The following CNTN5 variants were observed in gnomAD, a reference collection of about 807,000 sequenced individuals.
CNTN5 encodes the protein contactin-5.
In CNTN5, 77 loss-of-function variants were observed where a neutral mutation model predicts 129.1. The ratio of observed to expected loss-of-function variants is 0.60; its 90% CI spans 0.50 to 0.72. CNTN5 has a LOEUF of 0.72. CNTN5 is among the 30% of genes least tolerant of loss of function. The pLI is 0.00. For missense variants in CNTN5, 1,478 were observed against 1,328.8 expected (o/e 1.11, Z -1.75); for synonymous variants, 509 against 465.6 (o/e 1.09, Z -1.20).
intron 1 of CNTN5, among the ~76,000 whole-genome samples, chr11:99,213,295 CATATATAAT>C (rs1230808179): frequency 1.4e-5 from 2 of 140,834 alleles, no homozygotes; most frequent in African/African-American, 5.2e-5. Flanking sequence ...ATATATATAA[CATATATAAT>C]ATATACATAT....
intron 16 of CNTN5, among the ~76,000 whole-genome samples, chr11:100,247,532 A>C (rs1949868034): frequency 6.6e-6 from 1 of 152,142 alleles, no homozygotes; most frequent in South Asian, 2.1e-4. Context: ...GGTGGTCAGA[A>C]AGTATCTGAG....
chr11:99,957,717 T>A (rs1950840290), intron 8 of CNTN5, among the ~76,000 whole-genome samples: 1 of 152,144 alleles, frequency 6.6e-6, no homozygotes, highest in South Asian at 2.1e-4. Context: ...TCCTGGTTGA[T>A]TGTGAAACTT....
intron 13 of CNTN5, among the ~76,000 whole-genome samples, chr11:100,091,519 C>T (rs1359093540): frequency 6.7e-6 from 1 of 148,830 alleles, no homozygotes; most frequent in Non-Finnish European, 1.5e-5. Context: ...AACTCCGCCT[C>T]CTGGGTTCAA....
chr11:99,345,520 G>A (rs1937783718), intron 2 of CNTN5, among the ~76,000 whole-genome samples: 1 of 152,146 alleles, frequency 6.6e-6, no homozygotes, highest in Non-Finnish European at 1.5e-5. Context: ...AGCACCCAAT[G>A]AGGAAGGCGT....
chr11:99,973,574 T>G (rs1212322991), intron 8 of CNTN5, among the ~76,000 whole-genome samples: 1 of 152,186 alleles, frequency 6.6e-6, no homozygotes, highest in African/African-American at 2.4e-5. Flanking sequence ...AAAATAACCT[T>G]AAGGCTTCCT....
intron 2 of CNTN5, among the ~76,000 whole-genome samples, chr11:99,389,251 T>C (rs1170614862): frequency 6.6e-6 from 1 of 151,954 alleles, no homozygotes; most frequent in Non-Finnish European, 1.5e-5. Flanking sequence ...TGGTCACAAA[T>C]TCCTGACCTC....
At chr11:99,671,694 ATC>A (rs1335895518) in intron 3 of CNTN5, among the ~76,000 whole-genome samples, 1 of 152,206 alleles carries the variant, frequency 6.6e-6, no homozygotes, top group African/African-American at 2.4e-5. Context: ...CTTTTGTTCT[ATC>A]TCTGAAGTGT....
At chr11:99,865,784 G>A (rs780732683) in intron 6 of CNTN5, among the ~76,000 whole-genome samples, 32 of 151,986 alleles carry the variant, frequency 2.1e-4, no homozygotes, top group Non-Finnish European at 7.4e-5. Flanking sequence ...GATTTGTTAA[G>A]TTTATTGCAT....
At chr11:100,050,754 T>C (rs899390262) in intron 9 of CNTN5, among the ~76,000 whole-genome samples, 15 of 152,192 alleles carry the variant, frequency 9.9e-5, no homozygotes, top group Middle Eastern at 6.8e-3. Context: ...ATTAAAAACG[T>C]GTACCATGCA....
At chr11:99,326,364 C>A (rs937236942) in intron 2 of CNTN5, among the ~76,000 whole-genome samples, 2 of 152,144 alleles carry the variant, frequency 1.3e-5, no homozygotes, top group Non-Finnish European at 2.9e-5. Context: ...TCAAGGCTGT[C>A]ACTTGTTTAT....
intron 3 of CNTN5, among the ~76,000 whole-genome samples, chr11:99,635,490 T>TAA (rs5794009): frequency 0.012 from 1,824 of 151,296 alleles, 41 homozygotes; most frequent in African/African-American, 0.041. Context: ...GCAGAAGTAA[T>TAA]AAAACAAATT....
intron 4 of CNTN5, among the ~76,000 whole-genome samples, chr11:99,841,066 G>A (rs1947473375): frequency 6.6e-6 from 1 of 152,074 alleles, no homozygotes; most frequent in African/African-American, 2.4e-5. Flanking sequence ...AGGAAGGGAA[G>A]GGAGCCACTG....
At chr11:99,085,353 A>C (rs1865964602) in intron 1 of CNTN5, among the ~76,000 whole-genome samples, 2 of 152,066 alleles carry the variant, frequency 1.3e-5, no homozygotes, top group Non-Finnish European at 2.9e-5. Context: ...CCTAGTAACC[A>C]AATTGTTTTA....
At chr11:99,062,771 C>T (rs1056184702) in intron 1 of CNTN5, among the ~76,000 whole-genome samples, 2 of 151,980 alleles carry the variant, frequency 1.3e-5, no homozygotes, top group Non-Finnish European at 2.9e-5. Context: ...TAAACAATGC[C>T]ATTGATAAAA....
chr11:99,991,402 G>T (rs937158992), intron 8 of CNTN5, among the ~76,000 whole-genome samples: 1 of 152,156 alleles, frequency 6.6e-6, no homozygotes, highest in African/African-American at 2.4e-5. Flanking sequence ...GGGAGGCAGA[G>T]CTTGCAGTGA....
At chr11:99,877,918 C>T (rs1366148006) in intron 6 of CNTN5, among the ~76,000 whole-genome samples, 7 of 152,108 alleles carry the variant, frequency 4.6e-5, no homozygotes, top group Non-Finnish European at 1.0e-4. Context: ...TCTCATCTTC[C>T]AGTTTATTGC....
At chr11:99,704,790 GA>G (rs1201491715) in intron 3 of CNTN5, among the ~76,000 whole-genome samples, 1 of 151,086 alleles carries the variant, frequency 6.6e-6, no homozygotes, top group Non-Finnish European at 1.5e-5. Flanking sequence ...GAAAAATGAG[GA>G]GTAAAAAAAT....
intron 3 of CNTN5, among the ~76,000 whole-genome samples, chr11:99,768,308 A>G (rs564876586): frequency 1.3e-5 from 2 of 152,258 alleles, no homozygotes; most frequent in South Asian, 4.1e-4. Flanking sequence ...CTATTTAAAA[A>G]TAAGTGTCTG....
At chr11:99,458,237 G>T (rs928716940) in intron 2 of CNTN5, among the ~76,000 whole-genome samples, 1 of 151,844 alleles carries the variant, frequency 6.6e-6, no homozygotes, top group African/African-American at 2.4e-5. Context: ...AAATGTGAGT[G>T]CTGAGAAAAA....
Sources: gnomAD v4.1 joint callset for allele counts (sites outside exome capture counted in the v4.1 genomes callset) on GRCh38, gnomAD v4.1.1 for gene constraint, MANE v1.5 for transcripts, NCBI Gene and HGNC (gene_info 2026-07-23, HGNC 2026-07-21) for gene names.